Variants in PPP1R1C observed in about 807,000 individuals in gnomAD.
PPP1R1C encodes protein phosphatase 1 regulatory subunit 1C.
In PPP1R1C, 15 loss-of-function variants were observed where a neutral mutation model predicts 17.4. The ratio of observed to expected loss-of-function variants is 0.86; its 90% CI spans 0.58 to 1.33. PPP1R1C has a LOEUF of 1.33. PPP1R1C is among the 40% of genes most tolerant of loss of function. The pLI is 0.00. For missense variants in PPP1R1C, 143 were observed against 130.0 expected (o/e 1.10, Z -0.48); for synonymous variants, 35 against 43.1 (o/e 0.81, Z 0.73).
At chr2:182,039,620 A>G (rs1687120648) in intron 2 of PPP1R1C, among the ~76,000 whole-genome samples, 1 of 152,170 alleles carries the variant, frequency 6.6e-6, no homozygotes, top group Non-Finnish European at 1.5e-5. Flanking sequence ...CCCAGGCTTA[A>G]GTGATCCTCC....
intron 1 of PPP1R1C, among the ~76,000 whole-genome samples, chr2:181,964,191 CA>C (rs145063866): frequency 6.6e-6 from 1 of 152,204 alleles, no homozygotes; most frequent in East Asian, 1.9e-4. Flanking sequence ...TTAGCTCCCA[CA>C]AAAAATGGAG....
At chr2:181,984,619 A>T (rs1329680225), upstream of PPP1R1C, among the ~76,000 whole-genome samples, 1 of 152,196 alleles carries the variant, frequency 6.6e-6, no homozygotes, top group East Asian at 1.9e-4. Flanking sequence ...AATATAGAAA[A>T]CTACTTCAAT....
At chr2:182,007,790 CG>C (rs1405564041) in intron 2 of PPP1R1C, among the ~76,000 whole-genome samples, 127 of 152,270 alleles carry the variant, frequency 8.3e-4, no homozygotes, top group African/African-American at 3.0e-3. Flanking sequence ...AGGCTAGGCG[CG>C]GTGGCTCACG....
At chr2:182,066,968 T>TTTGTGTG (rs1559079296) in intron 4 of PPP1R1C, among the ~76,000 whole-genome samples, 56 of 144,816 alleles carry the variant, frequency 3.9e-4, no homozygotes, top group African/African-American at 1.4e-3. Flanking sequence ...GTGTGTGTGT[T>TTTGTGTG]TGTGTGTGTG....
chr2:182,060,426 C>T (rs1161618010), intron 2 of PPP1R1C, among the ~76,000 whole-genome samples: 3 of 152,102 alleles, frequency 2.0e-5, no homozygotes, highest in Non-Finnish European at 2.9e-5. Flanking sequence ...AAAAGTAATA[C>T]ATGCTTGTTA....
chr2:182,042,134 GA>G (rs1559068981), intron 2 of PPP1R1C, among the ~76,000 whole-genome samples: 1 of 152,132 alleles, frequency 6.6e-6, no homozygotes, highest in Non-Finnish European at 1.5e-5. Flanking sequence ...ATTCACTGAA[GA>G]AGGTTTTCTG....
rs182375969 is a variant in PPP1R1C, at chr2:182,093,919, C to T, written c.242-23288C>T. Among the ~76,000 whole-genome samples, 77 of 152,284 alleles carry T rather than the reference C, an allele frequency of 5.1e-4. No homozygotes were observed. The Middle Eastern group carries it at 0.024, about 47-fold the overall frequency. On this transcript the variant is annotated intron_variant, in intron 4 of 4. Coordinates refer to ENST00000682840, the MANE Select transcript of PPP1R1C (RefSeq NM_001080545.3). ...TTTTTCTGAGCCCTTCAAACTGTTC[C>T]AACTCCTGCCTGCTACCCAGTTCCA... is the stretch of plus-strand genomic sequence containing the variant.
intron 2 of PPP1R1C, among the ~76,000 whole-genome samples, chr2:182,016,765 A>C (rs1686273233): frequency 6.6e-6 from 1 of 152,118 alleles, no homozygotes; most frequent in Admixed American, 6.5e-5. Context: ...TACACATCTA[A>C]TTTTGTCCTT....
At chr2:182,081,114 A>T (rs956343742) in intron 4 of PPP1R1C, among the ~76,000 whole-genome samples, 4 of 152,222 alleles carry the variant, frequency 2.6e-5, no homozygotes, top group African/African-American at 9.6e-5. Context: ...GCATTTTAAC[A>T]AGAGAGTGAG....
At chr2:182,106,472 C>T (rs772632996) in intron 4 of PPP1R1C, among the ~76,000 whole-genome samples, 11 of 152,148 alleles carry the variant, frequency 7.2e-5, no homozygotes, top group South Asian at 2.1e-4. Context: ...GGTGGTCGGA[C>T]GAGAGCCCAG....
chr2:182,022,630 A>G (rs1686460912), intron 2 of PPP1R1C, among the ~76,000 whole-genome samples: 1 of 152,256 alleles, frequency 6.6e-6, no homozygotes, highest in Non-Finnish European at 1.5e-5. Context: ...TGATTTCTAT[A>G]CAGATTTCCA....
At chr2:182,022,519 G>A (rs1026066687) in intron 2 of PPP1R1C, among the ~76,000 whole-genome samples, 2 of 152,176 alleles carry the variant, frequency 1.3e-5, no homozygotes, top group Non-Finnish European at 2.9e-5. Context: ...AACTCAGAGT[G>A]GCTGTTTACT....
intron 2 of PPP1R1C, among the ~76,000 whole-genome samples, chr2:182,030,005 C>T (rs1196178): frequency 7.0e-4 from 72 of 102,938 alleles, no homozygotes; most frequent in African/African-American, 2.4e-3. Context: ...TTGATCGCAT[C>T]GGCTCCTGAG....
chr2:181,970,720 G>A (rs1684991950), intron 1 of PPP1R1C, among the ~76,000 whole-genome samples: 1 of 151,998 alleles, frequency 6.6e-6, no homozygotes, highest in South Asian at 2.1e-4. Context: ...AGGGCCTGGA[G>A]TCAGGAAGCT....
chr2:182,101,848 G>A (rs959638830), intron 4 of PPP1R1C, among the ~76,000 whole-genome samples: 2 of 152,138 alleles, frequency 1.3e-5, no homozygotes, highest in Non-Finnish European at 2.9e-5. Flanking sequence ...TGCCCTCTGG[G>A]CCAGTAACTA....
chr2:182,012,852 G>T (rs140706660), intron 2 of PPP1R1C, among the ~76,000 whole-genome samples: 2,000 of 152,122 alleles, frequency 0.013, 21 homozygotes, highest in South Asian at 0.035. Context: ...ACATCACACT[G>T]ATTGCAAAAA....
chr2:182,067,479 G>A (rs1688017519), intron 4 of PPP1R1C, among the ~76,000 whole-genome samples: 4 of 152,052 alleles, frequency 2.6e-5, no homozygotes, highest in Non-Finnish European at 5.9e-5. Context: ...ATAATGGCAA[G>A]AATAAGACGT....
At chr2:181,965,199 C>T (rs745617351) in intron 1 of PPP1R1C, among the ~76,000 whole-genome samples, 35 of 151,868 alleles carry the variant, frequency 2.3e-4, no homozygotes, top group South Asian at 6.3e-4. Context: ...TGTTATTAAT[C>T]CCTTGTCATA....
chr2:182,126,120 G>A (rs1689866243), intron 5 of PPP1R1C, among the ~76,000 whole-genome samples: 1 of 151,916 alleles, frequency 6.6e-6, no homozygotes, highest in Non-Finnish European at 1.5e-5. Context: ...TCATTTAATT[G>A]TAATATAGAT....
Sources: allele counts gnomAD v4.1 joint callset (sites outside exome capture counted in the v4.1 genomes callset), GRCh38; gene constraint gnomAD v4.1.1; transcripts MANE v1.5; gene names NCBI Gene and HGNC (gene_info 2026-07-23, HGNC 2026-07-21).